The following ASAP1 variants were observed in gnomAD, a reference collection of about 807,000 sequenced individuals.
ASAP1 encodes the protein arf-GAP with SH3 domain, ANK repeat and PH domain-containing protein 1.
A neutral mutation model predicts 145.2 loss-of-function variants in ASAP1; 43 were observed. The ratio of observed to expected loss-of-function variants is 0.30; its 90% CI spans 0.23 to 0.38. The LOEUF is 0.38. ASAP1 is among the 10% of genes least tolerant of loss of function. The pLI, the probability that ASAP1 is intolerant of heterozygous loss-of-function variation, is 1.00. For missense variants in ASAP1, 1,018 were observed against 1,355.3 expected (o/e 0.75, Z 3.91); for synonymous variants, 546 against 515.5 (o/e 1.06, Z -0.80).
intron 24 of ASAP1, among the ~76,000 whole-genome samples, chr8:130,105,931 T>G (rs2097536212): frequency 6.6e-6 from 1 of 152,192 alleles, no homozygotes; most frequent in East Asian, 1.9e-4. Flanking sequence ...AGTACCAGGA[T>G]TCAAGAGACT....
chr8:130,080,093 G>A, intron 25 of ASAP1, 122 bp from the exon 26 acceptor site: 6 of 826,080 alleles, frequency 7.3e-6, no homozygotes, highest in South Asian at 1.5e-5. Flanking sequence ...AAAGACCCAA[G>A]CCAAAACGGC....
Position 130,334,297 on chromosome 8 carries a change from C to A in ASAP1, c.186+23720G>T, listed in dbSNP as rs538746132. Among the ~76,000 whole-genome samples, 6 of 152,234 alleles carry A rather than the reference C, an allele frequency of 3.9e-5. No individual in the cohort carries two copies. The South Asian group carries it at 1.2e-3, about 32-fold the overall frequency. ...AATATCAAGCACATCAAATATGTTC[C>A]TTGGGTAACGGAAAAAGAAAAGCAC... is the stretch of plus-strand genomic sequence containing the variant. On this transcript the variant is annotated intron_variant, in intron 3 of 29. Transcript: ENST00000518721.
chr8:130,109,777 T>C (rs905332062), intron 24 of ASAP1, among the ~76,000 whole-genome samples: 2 of 152,226 alleles, frequency 1.3e-5, no homozygotes, highest in Admixed American at 1.3e-4. Context: ...TGTAAGCGCA[T>C]GTGAGCTGAG....
chr8:130,329,903 A>G (rs572098442), intron 3 of ASAP1, among the ~76,000 whole-genome samples: 14 of 152,340 alleles, frequency 9.2e-5, no homozygotes, highest in Admixed American at 7.2e-4. Flanking sequence ...ATTTACTCAA[A>G]TAATTTTCTA....
intron 5 of ASAP1, among the ~76,000 whole-genome samples, chr8:130,198,887 T>A (rs531866228): frequency 6.6e-6 from 1 of 152,326 alleles, no homozygotes; most frequent in South Asian, 2.1e-4. Context: ...TACACTCATA[T>A]CCAAGCTCCC....
At chr8:130,302,970 A>G (rs1340971697) in intron 3 of ASAP1, among the ~76,000 whole-genome samples, 1 of 152,152 alleles carries the variant, frequency 6.6e-6, no homozygotes, top group Admixed American at 6.5e-5. Context: ...AATAAAAACA[A>G]TTACAAGAAA....
At position 130,093,686 on chromosome 8, in the gene ASAP1, A is replaced by AAAAAAAAAAAAAAAAAAAAAAAG. The variant is rs767063471; in HGVS notation, c.2402-1544_2402-1543insCTTTTTTTTTTTTTTTTTTTTTT. On this transcript the variant is annotated intron_variant, in intron 24 of 29. Coordinates refer to ENST00000518721, the MANE Select transcript of ASAP1 (RefSeq NM_018482.4). ...CGTCTCAAAAAAAAAAAAAAAAAAA[A>AAAAAAAAAAAAAAAAAAAAAAAG]AAAGAAAGCTAAGAACACTGCCACA... 2.6e-4 allele frequency among the ~76,000 whole-genome samples: 34 copies of AAAAAAAAAAAAAAAAAAAAAAAG among 131,982 alleles called. 1 individual carries two copies. The highest frequency in any genetic ancestry group is 1.0e-3 in the African/African-American group (32 of 30,550). 86.6% of individuals were successfully genotyped at this position (131,982 alleles called of 152,430 possible).
intron 2 of ASAP1, among the ~76,000 whole-genome samples, chr8:130,376,813 G>A (rs1170522880): frequency 1.4e-5 from 2 of 142,308 alleles, no homozygotes; most frequent in Non-Finnish European, 3.0e-5. Context: ...TGAGGCAGGA[G>A]AATCGTTTGA....
intron 1 of ASAP1, among the ~76,000 whole-genome samples, chr8:130,413,314 A>T (rs989646705): frequency 6.6e-6 from 1 of 152,198 alleles, no homozygotes; most frequent in Non-Finnish European, 1.5e-5. Context: ...GCTCATTCCT[A>T]ACACTTAGGA....
At chr8:130,430,235 C>T (rs1830091021) in intron 1 of ASAP1, among the ~76,000 whole-genome samples, 1 of 152,150 alleles carries the variant, frequency 6.6e-6, no homozygotes, top group Non-Finnish European at 1.5e-5. Context: ...ATCTGGTCTA[C>T]TACAGGATGG....
intron 1 of ASAP1, among the ~76,000 whole-genome samples, chr8:130,403,780 C>G (rs1233882825): frequency 1.3e-5 from 2 of 152,070 alleles, no homozygotes; most frequent in African/African-American, 4.8e-5. Flanking sequence ...TCTCGAACTC[C>G]TGACCTCAGG....
At chr8:130,169,477 T>C (rs989734297) in intron 9 of ASAP1, among the ~76,000 whole-genome samples, 1 of 152,198 alleles carries the variant, frequency 6.6e-6, no homozygotes, top group Non-Finnish European at 1.5e-5. Flanking sequence ...ATCTGGACAC[T>C]ATAAAGAGAA....
chr8:130,307,818 C>T (rs1823087323), intron 3 of ASAP1, among the ~76,000 whole-genome samples: 1 of 152,190 alleles, frequency 6.6e-6, no homozygotes, highest in South Asian at 2.1e-4. Flanking sequence ...GATGGCGGAG[C>T]TTGAAATCAG....
chr8:130,087,893 G>T (rs1269426705), intron 25 of ASAP1, among the ~76,000 whole-genome samples: 1 of 152,138 alleles, frequency 6.6e-6, no homozygotes, highest in Non-Finnish European at 1.5e-5. Flanking sequence ...CATCTTCTCT[G>T]AAGACTAGAA....
intron 12 of ASAP1, among the ~76,000 whole-genome samples, chr8:130,155,204 C>A (rs537856910): frequency 6.6e-6 from 1 of 152,140 alleles, no homozygotes; most frequent in African/African-American, 2.4e-5. Flanking sequence ...CACACACACG[C>A]GCGCACACAC....
At chr8:130,187,995 C>T (rs892386253) in intron 6 of ASAP1, 114 bp downstream of exon 6, 44 of 777,654 alleles carry the variant, frequency 5.7e-5, no homozygotes, top group South Asian at 5.0e-4. Flanking sequence ...GCATTTTTAA[C>T]GCTGAAAATG....
chr8:130,162,334 A>G (rs1178495698), intron 11 of ASAP1, among the ~76,000 whole-genome samples: 1 of 152,144 alleles, frequency 6.6e-6, no homozygotes, highest in Non-Finnish European at 1.5e-5. Flanking sequence ...TAAGAGAGGC[A>G]GCAGTGTGTT....
At chr8:130,235,164 T>C (rs1818140673) in intron 4 of ASAP1, among the ~76,000 whole-genome samples, 1 of 152,062 alleles carries the variant, frequency 6.6e-6, no homozygotes, top group African/African-American at 2.4e-5. Flanking sequence ...ACTACTTGAG[T>C]TTCTCTCTTT....
chr8:130,061,077 A>G lies in ASAP1; in HGVS notation c.2702-8T>C. On this transcript the variant is annotated splice_region_variant and splice_polypyrimidine_tract_variant and intron_variant, in intron 27 of 29. Coordinates refer to ENST00000518721, the MANE Select transcript of ASAP1 (RefSeq NM_018482.4). ...CTGTTTTCCTTAGTGCCACTGTGGA[A>G]GCAATCAAAAACAAGGAGGTCATTG... 1 of 1,521,388 alleles carries G rather than the reference A, an allele frequency of 6.6e-7. No homozygotes were observed. Among genetic ancestry groups the G allele is most frequent in the South Asian group, 1.3e-5 (1 of 74,548 alleles). 94.2% of individuals were successfully genotyped at this position (1,521,388 alleles called of 1,614,324 possible).
Sources: allele counts gnomAD v4.1 joint callset (sites outside exome capture counted in the v4.1 genomes callset), GRCh38; gene constraint gnomAD v4.1.1; transcripts MANE v1.5; gene names NCBI Gene and HGNC (gene_info 2026-07-23, HGNC 2026-07-21).